The following CCDC136 variants were observed in gnomAD, a reference collection of about 807,000 sequenced individuals.
The protein encoded by CCDC136 is coiled-coil domain containing 136.
CCDC136 carries 100 observed loss-of-function variants against 141.2 expected under a neutral mutation model. The observed-to-expected ratio is 0.71, with a 90% CI of 0.60 to 0.84. The LOEUF (loss-of-function observed/expected upper bound fraction) is 0.84. Ranked by LOEUF, CCDC136 falls within the 40% of genes least tolerant of loss-of-function variation. CCDC136 has a pLI of 0.00. For synonymous variants in CCDC136, 474 were observed against 531.9 expected (o/e 0.89, Z 1.50); for missense variants, 1,206 against 1,379.4 (o/e 0.87, Z 1.99).
chr7:128,800,646 G>A (rs144277114), intron 3 of CCDC136, among the ~76,000 whole-genome samples: 63 of 152,194 alleles, frequency 4.1e-4, no homozygotes, highest in Non-Finnish European at 2.5e-4. Flanking sequence ...TTATTATCCC[G>A]TGTTTGGTTA....
At chr7:128,797,623 C>G (rs980844596) in intron 3 of CCDC136, among the ~76,000 whole-genome samples, 1 of 152,126 alleles carries the variant, frequency 6.6e-6, no homozygotes, top group African/African-American at 2.4e-5. Context: ...TGAGACATCT[C>G]AGTGCATGGA....
intron 12 of CCDC136, chr7:128,811,175 C>A: frequency 2.5e-6 from 1 of 395,482 alleles, no homozygotes; most frequent in South Asian, 1.9e-5. Flanking sequence ...GAGGCTGGAT[C>A]ATATTCCAGG....
chr7:128,795,321 C>T (rs764087810), intron 3 of CCDC136, among the ~76,000 whole-genome samples: 2 of 152,072 alleles, frequency 1.3e-5, no homozygotes, highest in Non-Finnish European at 2.9e-5. Flanking sequence ...CCCTTTGTCT[C>T]TGGGAAGCAG....
In CCDC136 at chr7:128,811,456, G is replaced by A. The variant is rs145825523; in HGVS notation, c.2029-344G>A. The A allele has an allele frequency of 2.9e-3, 1,269 of 439,120 alleles. 13 individuals carry two copies. The highest frequency in any genetic ancestry group is 0.023 in the African/African-American group (1,154 of 49,840). 27.2% of individuals were successfully genotyped at this position (439,120 alleles called of 1,614,324 possible). A position where few individuals can be genotyped will look rare whatever the true frequency, so the allele number is the denominator to read the frequency against. ...ACTGAGCCTGAAGGTCAGGATAACA[G>A]GTATACCTGACTGAGAAGAGGGTGT... On this transcript the variant is annotated intron_variant, in intron 12 of 17. Transcript: ENST00000297788.
intron 1 of CCDC136, among the ~76,000 whole-genome samples, chr7:128,792,896 T>C (rs1039956904): frequency 1.3e-5 from 2 of 152,178 alleles, no homozygotes; most frequent in African/African-American, 4.8e-5. Context: ...AGAGAGAGCC[T>C]AGGAGGGGGC....
At chr7:128,801,906 G>C (rs1243346477) in intron 4 of CCDC136, among the ~76,000 whole-genome samples, 1 of 152,186 alleles carries the variant, frequency 6.6e-6, no homozygotes, top group Non-Finnish European at 1.5e-5. Context: ...GAGAGTCATT[G>C]GGTCTTTGTT....
chr7:128,807,798 G>A (rs762758594), intron 10 of CCDC136: 7 of 280,828 alleles, frequency 2.5e-5, no homozygotes, highest in Non-Finnish European at 4.0e-5. Flanking sequence ...ATGATTCCAT[G>A]TATGTAGACA....
At chr7:128,802,058 C>T (rs544787084) in intron 4 of CCDC136, among the ~76,000 whole-genome samples, 2 of 152,276 alleles carry the variant, frequency 1.3e-5, no homozygotes, top group East Asian at 3.9e-4. Context: ...GGCCTCTGGC[C>T]CTGCTTCCAG....
intron 4 of CCDC136, among the ~76,000 whole-genome samples, chr7:128,804,069 G>A (rs1193460701): frequency 1.3e-5 from 2 of 152,116 alleles, no homozygotes; most frequent in African/African-American, 4.8e-5. Context: ...GCCCACCTCG[G>A]CCTCCCAAAG....
intron 8 of CCDC136, 115 bp from the exon 9 acceptor site, chr7:128,806,573 A>T (rs2128910996): frequency 1.8e-6 from 2 of 1,114,160 alleles, no homozygotes; most frequent in Middle Eastern, 3.1e-4. Flanking sequence ...GACATTAGGA[A>T]GTGAAGGGCA....
Position 128,792,116 on chromosome 7 carries a change from G to T in CCDC136, c.-296G>T. 1 of 1,398,702 alleles carries T rather than the reference G, an allele frequency of 7.1e-7. No individual in the cohort carries two copies. Among genetic ancestry groups the T allele is most frequent in the South Asian group, 1.6e-5 (1 of 64,110 alleles). 86.6% of individuals were successfully genotyped at this position (1,398,702 alleles called of 1,614,324 possible). A position where few individuals can be genotyped will look rare whatever the true frequency, so the allele number is the denominator to read the frequency against. ...GCAAGCAAGAGGGTCCTGGAACAGC[G>T]GGTTCTGAGGAGGCTGGGAGGCAGG... On this transcript the variant is annotated 5_prime_UTR_variant, in exon 1 of 18. Transcript: ENST00000297788.
chr7:128,809,245 A>ACCTGCTCTGAAGGAGCAG, intron 10 of CCDC136: 1 of 526,354 alleles, frequency 1.9e-6, no homozygotes, highest in Non-Finnish European at 3.4e-6. Context: ...GTCTAGAGCA[A>ACCTGCTCTGAAGGAGCAG]CCTGCTCTGA....
intron 13 of CCDC136, 149 bp from the exon 14 acceptor site, chr7:128,812,559 T>C: frequency 2.8e-6 from 2 of 704,372 alleles, no homozygotes; most frequent in Non-Finnish European, 4.8e-6. Flanking sequence ...ACAGCCACGA[T>C]GCTCTTTATG....
At chr7:128,791,936 C>T, upstream of CCDC136, 1 of 786,748 alleles carries the variant, frequency 1.3e-6, no homozygotes, top group Non-Finnish European at 1.7e-6. This position sits in a 1 kb window ranked among gnomAD's most constrained non-coding sequence, Gnocchi z 7.1. Flanking sequence ...CGCAGCCCTA[C>T]CCCTTCCCGC....
Position 128,811,915 on chromosome 7 carries a change from G to A in CCDC136, c.2144G>A (p.Arg715Lys), listed in dbSNP as rs1047813176. 1 of 1,613,804 alleles carries A rather than the reference G, an allele frequency of 6.2e-7. No homozygotes were observed. Among genetic ancestry groups the A allele is most frequent in the African/African-American group, 1.3e-5 (1 of 74,936 alleles). The change falls in exon 13 of 18, where the codon AGG becomes AAG. Residue 715 changes from arginine (R) to lysine (K), a missense_variant. Coordinates refer to ENST00000297788, the MANE Select transcript of CCDC136 (RefSeq NM_022742.5). ...EQGRLLEERKRLQADLQLCLE... is the reference protein window; with the variant it reads ...EQGRLLEERKKLQADLQLCLE... The stretch of plus-strand genomic sequence containing the variant: ...GGGAGGCTCCTAGAGGAGCGGAAGA[G>A]GCTGCAGGCAGACTTGCAGCTCTGC...
At position 128,792,102 on chromosome 7, in the gene CCDC136, G is replaced by A; in HGVS notation, c.-310G>A. On this transcript the variant is annotated 5_prime_UTR_variant, in exon 1 of 18. Transcript: ENST00000297788. The stretch of plus-strand genomic sequence containing the variant: ...CTCTTTCTTTCTGTGCAAGCAAGAG[G>A]GTCCTGGAACAGCGGGTTCTGAGGA... 1 of 1,382,678 alleles carries A rather than the reference G, an allele frequency of 7.2e-7. No homozygotes were observed. The highest frequency in any genetic ancestry group is 9.3e-7 in the Non-Finnish European group (1 of 1,071,902). The allele number at this position is 1,382,678 out of a possible 1,614,324, so 85.7% of individuals were successfully genotyped here.
chr7:128,814,724 G>A lies in CCDC136; in HGVS notation c.2850G>A (p.Gln950=), dbSNP rs755909902. 2 of 1,613,790 alleles carry A rather than the reference G, an allele frequency of 1.2e-6. No homozygotes were observed. Among genetic ancestry groups the A allele is most frequent in the Non-Finnish European group, 1.7e-6 (2 of 1,179,764 alleles). Residue 950 remains glutamine (Q), a synonymous_variant, in exon 15 of 18, where the codon CAG becomes CAA. Coordinates refer to ENST00000297788, the MANE Select transcript of CCDC136 (RefSeq NM_022742.5). ...AGCAGGGGCGGCTTCTGGTAGTGCA[G>A]GAGCAGCTGGAGGGGCAGCTGCAGT... ...MDEQGRLLVV[Q]EQLEGQLQCC... is the part of the protein sequence containing the mutation.
At chr7:128,791,356 G>T (rs558183401), upstream of CCDC136, 2 of 483,114 alleles carry the variant, frequency 4.1e-6, no homozygotes, top group Non-Finnish European at 3.2e-6. This position sits in a 1 kb window ranked among gnomAD's most constrained non-coding sequence, Gnocchi z 7.1. Context: ...GCGAGCGGCG[G>T]GGGGCGGTGT....
At chr7:128,811,170 T>G in intron 12 of CCDC136, 1 of 393,498 alleles carries the variant, frequency 2.5e-6, no homozygotes, top group Non-Finnish European at 5.1e-6. Flanking sequence ...ACTGTGAGGC[T>G]GGATCATATT....
Sources: allele counts gnomAD v4.1 joint callset (sites outside exome capture counted in the v4.1 genomes callset), GRCh38; gene constraint gnomAD v4.1.1; non-coding constraint Gnocchi (gnomAD v3.1); transcripts MANE v1.5; gene names NCBI Gene and HGNC (gene_info 2026-07-23, HGNC 2026-07-21).